The following HPSE2 variants were observed in gnomAD, a reference collection of about 807,000 sequenced individuals.
HPSE2 encodes inactive heparanase-2.
A neutral mutation model predicts 60.5 loss-of-function variants in HPSE2; 38 were observed. That is an observed-to-expected ratio of 0.63 (90% CI 0.48 to 0.82). The LOEUF (loss-of-function observed/expected upper bound fraction) is 0.82. Ranked by LOEUF, HPSE2 falls within the 40% of genes least tolerant of loss-of-function variation. HPSE2 has a pLI of 0.00. For synonymous variants in HPSE2, 295 were observed against 293.2 expected (o/e 1.01, Z -0.06); for missense variants, 713 against 740.4 (o/e 0.96, Z 0.43).
Position 99,166,522 on chromosome 10 carries a change from T to C in HPSE2, c.449-22123A>G, listed in dbSNP as rs117928584. 2.9e-3 allele frequency among the ~76,000 whole-genome samples: 437 copies of C among 152,276 alleles called. 2 individuals are homozygous for C. The highest frequency in any genetic ancestry group is 5.6e-3 in the Admixed American group (86 of 15,288). ...CTAATACAGTTATAGGGGTATCTCA[T>C]TGTGGTATTTTCAGTTATCTTTGTT... On this transcript the variant is annotated intron_variant, in intron 2 of 11. Transcript: ENST00000370552.
chr10:98,971,577 C>T lies in HPSE2; in HGVS notation c.610+172661G>A, dbSNP rs571230055. Reference sequence around the variant, plus strand: ...TGTTATTGTACTATATATTGCTGCCCGTTTATTTCACAATGTTATTCACTC... The same window carrying T: ...TGTTATTGTACTATATATTGCTGCCTGTTTATTTCACAATGTTATTCACTC... On this transcript the variant is annotated intron_variant, in intron 3 of 11. Transcript: ENST00000370552. Among the ~76,000 whole-genome samples the T allele has an allele frequency of 2.6e-5, 4 of 152,018 alleles. No individual in the cohort carries two copies. The East Asian group carries it at 7.7e-4, about 29-fold the overall frequency.
intron 2 of HPSE2, among the ~76,000 whole-genome samples, chr10:99,172,686 T>C (rs530652771): frequency 9.2e-5 from 14 of 152,278 alleles, no homozygotes; most frequent in Admixed American, 3.3e-4. Flanking sequence ...CAGACCAGCC[T>C]GGCCAACGCG....
chr10:99,145,391 G>A (rs1254600472), intron 2 of HPSE2, among the ~76,000 whole-genome samples: 1 of 151,756 alleles, frequency 6.6e-6, no homozygotes, highest in Non-Finnish European at 1.5e-5. Flanking sequence ...AGGAGGTGGA[G>A]GTTGCAGTGA....
intron 3 of HPSE2, among the ~76,000 whole-genome samples, chr10:98,796,718 A>C (rs1377684358): frequency 2.0e-5 from 3 of 152,232 alleles, no homozygotes; most frequent in African/African-American, 7.2e-5. Context: ...GGCCTTGGGC[A>C]AGACCCAGTG....
intron 3 of HPSE2, among the ~76,000 whole-genome samples, chr10:98,940,820 T>C (rs141581223): frequency 7.1e-6 from 1 of 139,956 alleles, no homozygotes; most frequent in Non-Finnish European, 1.5e-5. Context: ...TGAACATTGA[T>C]GCAAAAATCC....
At chr10:99,034,625 A>G (rs1457544102) in intron 3 of HPSE2, among the ~76,000 whole-genome samples, 1 of 152,050 alleles carries the variant, frequency 6.6e-6, no homozygotes, top group African/African-American at 2.4e-5. Context: ...ACATGTGTGT[A>G]TATATATATA....
intron 3 of HPSE2, among the ~76,000 whole-genome samples, chr10:99,141,075 T>C (rs1357350977): frequency 1.3e-5 from 2 of 152,220 alleles, no homozygotes; most frequent in Non-Finnish European, 2.9e-5. Flanking sequence ...ATTCTTTATG[T>C]ACACAGTAGA....
At chr10:99,287,906 G>C in the HPSE2 span, among the ~76,000 whole-genome samples, 1 of 152,094 alleles carries the variant, frequency 6.6e-6, no homozygotes, top group Non-Finnish European at 1.5e-5. Flanking sequence ...CTAAACCCAA[G>C]TCAAAAAAGA....
intron 3 of HPSE2, among the ~76,000 whole-genome samples, chr10:98,955,112 A>T (rs540870128): frequency 6.6e-6 from 1 of 151,906 alleles, no homozygotes; most frequent in East Asian, 1.9e-4. Context: ...AAATGCTGAT[A>T]TAAGTGGAAG....
chr10:99,278,048 G>A, the HPSE2 span, among the ~76,000 whole-genome samples: 1 of 143,314 alleles, frequency 7.0e-6, no homozygotes, highest in Non-Finnish European at 1.5e-5. Flanking sequence ...AGTGAGCCAA[G>A]ATCGCGCCAC....
At chr10:98,706,794 T>C (rs530040349) in intron 5 of HPSE2, among the ~76,000 whole-genome samples, 1 of 152,256 alleles carries the variant, frequency 6.6e-6, no homozygotes, top group East Asian at 1.9e-4. Flanking sequence ...GTCAGGTTGG[T>C]CAGATCACTA....
intron 9 of HPSE2, among the ~76,000 whole-genome samples, chr10:98,525,966 A>G (rs79487309): frequency 0.013 from 2,004 of 152,334 alleles, 26 homozygotes; most frequent in Non-Finnish European, 0.019. Context: ...AAATCGCAGG[A>G]ACAACAATCT....
At chr10:98,990,161 CTTAA>C (rs1382633218) in intron 3 of HPSE2, among the ~76,000 whole-genome samples, 1 of 152,204 alleles carries the variant, frequency 6.6e-6, no homozygotes, top group African/African-American at 2.4e-5. Flanking sequence ...ACAGATGCAG[CTTAA>C]TTGTCACTTG....
At chr10:99,048,145 G>C (rs1398654903) in intron 3 of HPSE2, 3 of 871,262 alleles carry the variant, frequency 3.4e-6, no homozygotes, top group Non-Finnish European at 5.5e-6. Context: ...AAATTGCTTT[G>C]ACAGATAACC....
chr10:99,057,558 C>CA (rs1958142026), intron 3 of HPSE2, among the ~76,000 whole-genome samples: 1 of 152,072 alleles, frequency 6.6e-6, no homozygotes, highest in African/African-American at 2.4e-5. Flanking sequence ...CTGTGGAGAT[C>CA]AAAAAATGCC....
At chr10:98,657,529 G>T (rs954934034) in intron 6 of HPSE2, among the ~76,000 whole-genome samples, 51 of 152,092 alleles carry the variant, frequency 3.4e-4, no homozygotes, top group African/African-American at 1.1e-3. Context: ...TAGAGATGGG[G>T]TTTTACCATG....
chr10:98,658,816 G>T (rs1003714222), intron 6 of HPSE2, among the ~76,000 whole-genome samples: 2 of 151,732 alleles, frequency 1.3e-5, no homozygotes, highest in Non-Finnish European at 2.9e-5. Context: ...ATAATGAAAT[G>T]ACATTTTTAG....
intron 3 of HPSE2, among the ~76,000 whole-genome samples, chr10:98,836,024 C>T (rs61883667): frequency 6.6e-6 from 1 of 152,138 alleles, no homozygotes; most frequent in Non-Finnish European, 1.5e-5. Context: ...CAAAAGGGGC[C>T]TAGTCAACAT....
At chr10:99,135,602 T>G (rs934611598) in intron 3 of HPSE2, among the ~76,000 whole-genome samples, 10 of 152,134 alleles carry the variant, frequency 6.6e-5, no homozygotes, top group Non-Finnish European at 8.8e-5. Flanking sequence ...GAATGACTAC[T>G]GGGTAAATAA....
Sources: allele counts gnomAD v4.1 joint callset (sites outside exome capture counted in the v4.1 genomes callset), GRCh38; gene constraint gnomAD v4.1.1; transcripts MANE v1.5; gene names NCBI Gene and HGNC (gene_info 2026-07-23, HGNC 2026-07-21).